MACROD2: variants seen among roughly 807,000 people sequenced by gnomAD.
MACROD2 encodes the protein ADP-ribose glycohydrolase MACROD2.
In MACROD2, 36 loss-of-function variants were observed where a neutral mutation model predicts 70.4. The observed-to-expected ratio is 0.51, with a 90% CI of 0.39 to 0.68. The LOEUF (loss-of-function observed/expected upper bound fraction) is 0.68, where lower values mean the gene tolerates loss of function less well. MACROD2 is among the 30% of genes least tolerant of loss of function. MACROD2 has a pLI of 0.00. For synonymous variants in MACROD2, 172 were observed against 178.8 expected, an observed-to-expected ratio of 0.96 and a Z score of 0.30; for missense variants, 496 against 538.4, an observed-to-expected ratio of 0.92 and a Z score of 0.78.
intron 5 of MACROD2, among the ~76,000 whole-genome samples, chr20:15,089,561 T>C (rs1373718278): frequency 6.6e-6 from 1 of 152,100 alleles, no homozygotes; most frequent in East Asian, 1.9e-4. Flanking sequence ...ATCTCTCACG[T>C]ATAGCATAAT....
intron 8 of MACROD2, among the ~76,000 whole-genome samples, chr20:15,834,952 G>A (rs1450610005): frequency 6.6e-6 from 1 of 152,082 alleles, no homozygotes; most frequent in Non-Finnish European, 1.5e-5. Flanking sequence ...CCTTTTTGAG[G>A]CTAAGTTATA....
chr20:14,589,635 A>C (rs1382053951), intron 4 of MACROD2, among the ~76,000 whole-genome samples: 1 of 152,214 alleles, frequency 6.6e-6, no homozygotes, highest in Non-Finnish European at 1.5e-5. Context: ...TATTATAATG[A>C]CTGAAATGTT....
rs370263202 is a variant in MACROD2, at chr20:14,334,054, C to G, written c.272-159425C>G. 1.6e-3 allele frequency among the ~76,000 whole-genome samples: 251 copies of G among 152,308 alleles called. 2 individuals carry two copies. Among genetic ancestry groups the G allele is most frequent in the African/African-American group, 5.9e-3 (245 of 41,570 alleles). On this transcript the variant is annotated intron_variant, in intron 3 of 17. Coordinates refer to ENST00000684519, the MANE Select transcript of MACROD2 (RefSeq NM_001351661.2). ...TAATACCTGCAGAAAGCTTTTTATA[C>G]ATCCCTGACACTTGATTTTAGGGTA...
chr20:14,334,050 T>C (rs1225604712), intron 3 of MACROD2, among the ~76,000 whole-genome samples: 1 of 152,220 alleles, frequency 6.6e-6, no homozygotes, highest in Admixed American at 6.5e-5. Context: ...GAAAGCTTTT[T>C]ATACATCCCT....
At chr20:15,490,890 A>G (rs1247979529) in intron 7 of MACROD2, among the ~76,000 whole-genome samples, 3 of 152,046 alleles carry the variant, frequency 2.0e-5, no homozygotes, top group Non-Finnish European at 2.9e-5. Flanking sequence ...CTTCTGTCCC[A>G]ACACTCAGCT....
intron 8 of MACROD2, among the ~76,000 whole-genome samples, chr20:15,623,645 A>G (rs1201041917): frequency 2.0e-5 from 3 of 152,126 alleles, no homozygotes; most frequent in African/African-American, 7.2e-5. Flanking sequence ...CACAACTCAG[A>G]AATCTTGCTT....
chr20:15,392,865 T>G (rs1289009093), intron 6 of MACROD2, among the ~76,000 whole-genome samples: 1 of 152,096 alleles, frequency 6.6e-6, no homozygotes, highest in Non-Finnish European at 1.5e-5. Context: ...TTCTGCTTTT[T>G]TAAAAGAGGA....
chr20:15,496,532 C>A (rs1277980452), intron 7 of MACROD2, among the ~76,000 whole-genome samples: 1 of 152,188 alleles, frequency 6.6e-6, no homozygotes, highest in East Asian at 1.9e-4. Context: ...TGTATAATTT[C>A]TCTGTGGGGA....
chr20:15,436,035 CT>C (rs1315111679), intron 7 of MACROD2, among the ~76,000 whole-genome samples: 1 of 152,034 alleles, frequency 6.6e-6, no homozygotes, highest in Non-Finnish European at 1.5e-5. Flanking sequence ...TGCCATATTG[CT>C]TTTGGTTAGT....
chr20:15,468,618 TG>T (rs1479222825), intron 7 of MACROD2, among the ~76,000 whole-genome samples: 11 of 152,234 alleles, frequency 7.2e-5, no homozygotes, highest in Admixed American at 6.5e-4. Flanking sequence ...GCACCATCTT[TG>T]TGTCAATAAG....
At chr20:14,321,607 A>C (rs1253425290) in intron 3 of MACROD2, among the ~76,000 whole-genome samples, 9 of 152,222 alleles carry the variant, frequency 5.9e-5, no homozygotes, top group African/African-American at 2.2e-4. Flanking sequence ...AGCAGCAATG[A>C]ACTAATAGTA....
rs146274681 is a variant in MACROD2 at position 15,314,520 on chromosome 20, T to C, written c.540+84459T>C. The stretch of plus-strand genomic sequence containing the variant: ...CTCCCCTACCCGGCTTGGTAGAATT[T>C]TTGAAGCCCATGTTCCCAGTGTGAG... On this transcript the variant is annotated intron_variant, in intron 6 of 17. Coordinates refer to ENST00000684519, the MANE Select transcript of MACROD2 (RefSeq NM_001351661.2). Among the ~76,000 whole-genome samples the C allele has an allele frequency of 3.8e-3, 577 of 152,332 alleles. 6 individuals carry two copies. The South Asian group carries it at 0.053, about 14-fold the overall frequency.
intron 8 of MACROD2, among the ~76,000 whole-genome samples, chr20:15,861,674 G>T (rs2064426012): frequency 6.6e-6 from 1 of 152,146 alleles, no homozygotes; most frequent in Admixed American, 6.6e-5. Flanking sequence ...CAGAAAATGT[G>T]ATTGTTTATA....
Position 15,021,496 on chromosome 20 carries a change from G to A in MACROD2, c.419-208444G>A, listed in dbSNP as rs145170102. 120 of 150,174 alleles carry A rather than the reference G, an allele frequency of 8.0e-4. 1 individual carries two copies. The Middle Eastern group carries it at 0.01, about 13-fold the overall frequency. The allele number at this position is 150,174 out of a possible 1,614,324, so 9.3% of individuals were successfully genotyped here. A position where few individuals can be genotyped will look rare whatever the true frequency, so the allele number is the denominator to read the frequency against. On this transcript the variant is annotated intron_variant, in intron 5 of 17. Transcript: ENST00000684519. ...AGACTATATATATGCACACATATAT[G>A]TATACATATATGCCTATATGTGTGT...
intron 5 of MACROD2, among the ~76,000 whole-genome samples, chr20:15,193,756 C>A (rs1270099574): frequency 6.6e-6 from 1 of 151,974 alleles, no homozygotes; most frequent in Non-Finnish European, 1.5e-5. Context: ...GTCACTCCTT[C>A]ATTCTCCTAC....
intron 5 of MACROD2, among the ~76,000 whole-genome samples, chr20:15,150,820 T>G (rs1160526437): frequency 6.6e-6 from 1 of 151,728 alleles, no homozygotes; most frequent in African/African-American, 2.4e-5. Flanking sequence ...ACTGAGCAGG[T>G]GGGGATAACT....
At chr20:15,325,115 A>G (rs1414967942) in intron 6 of MACROD2, among the ~76,000 whole-genome samples, 3 of 152,144 alleles carry the variant, frequency 2.0e-5, no homozygotes, top group African/African-American at 7.2e-5. Context: ...TCACCACCTG[A>G]CAATAGAAGT....
intron 5 of MACROD2, among the ~76,000 whole-genome samples, chr20:14,852,421 G>T (rs2073209273): frequency 6.6e-6 from 1 of 152,170 alleles, no homozygotes; most frequent in South Asian, 2.1e-4. Context: ...GTGGGCAAAG[G>T]ATGAAGTAAA....
intron 1 of MACROD2, among the ~76,000 whole-genome samples, chr20:13,998,556 C>T (rs183763793): frequency 1.2e-4 from 19 of 152,204 alleles, no homozygotes; most frequent in African/African-American, 4.6e-4. Flanking sequence ...TAATCATCTC[C>T]CTTTTCTGCC....
Sources: allele counts gnomAD v4.1 joint callset (sites outside exome capture counted in the v4.1 genomes callset), GRCh38; gene constraint gnomAD v4.1.1; transcripts MANE v1.5; gene names NCBI Gene and HGNC (gene_info 2026-07-23, HGNC 2026-07-21).